The following NUP210L variants were observed in gnomAD, a reference collection of about 807,000 sequenced individuals.
The protein encoded by NUP210L is nuclear pore membrane glycoprotein 210-like.
A neutral mutation model predicts 208.5 loss-of-function variants in NUP210L; 74 were observed. The ratio of observed to expected loss-of-function variants is 0.35; its 90% CI spans 0.29 to 0.43. The LOEUF (loss-of-function observed/expected upper bound fraction) is 0.43. NUP210L is among the 20% of genes least tolerant of loss of function. The pLI, the probability that NUP210L is intolerant of heterozygous loss-of-function variation, is 1.00. For synonymous variants in NUP210L, 780 were observed against 816.9 expected, an observed-to-expected ratio of 0.95 and a Z score of 0.77; for missense variants, 1,843 against 2,289.4, an observed-to-expected ratio of 0.81 and a Z score of 3.98.
At chr1:154,112,615 G>A (rs1657096468) in intron 12 of NUP210L, among the ~76,000 whole-genome samples, 1 of 152,050 alleles carries the variant, frequency 6.6e-6, no homozygotes. Flanking sequence ...CAGCACTTTG[G>A]GAGGCCAAGG....
intron 13 of NUP210L, among the ~76,000 whole-genome samples, chr1:154,100,880 ATACCATCT>A (rs2148063542): frequency 6.6e-6 from 1 of 152,142 alleles, no homozygotes; most frequent in African/African-American, 2.4e-5. Context: ...TATATTAAAA[ATACCATCT>A]TGGGCCAGGC....
exon 1 of NUP210L, chr1:154,154,929 A>G: frequency 6.2e-7 from 1 of 1,614,228 alleles, no homozygotes; most frequent in South Asian, 1.1e-5. Flanking sequence ...TGGCACGTTA[A>G]GTTTGTTGGC....
At chr1:154,080,320 A>G (rs1655253928) in intron 16 of NUP210L, among the ~76,000 whole-genome samples, 1 of 151,108 alleles carries the variant, frequency 6.6e-6, no homozygotes. Flanking sequence ...AGATCATGCC[A>G]TTGCACTCCA....
At position 154,089,452 on chromosome 1, in the gene NUP210L, G is replaced by A; in HGVS notation, c.2330C>T (p.Pro777Leu). The change falls in exon 16 of 40, where the codon CCA becomes CTA. Residue 777 changes from proline (P) to leucine (L), a missense_variant. Physicochemically the swap from Pro to Leu is moderately conservative, Grantham distance 98. Around this residue, in one of 5 missense-constraint regions of NUP210L, gnomAD observed 408 missense variants for 600.8 expected, o/e 0.68. Coordinates refer to ENST00000368559, the Ensembl canonical transcript of NUP210L. ...TTTGTTGTGCTGTGGCAGAGGACAT[G>A]GCTGGGCACCAGCTGGCACCTTGTA... is the stretch of plus-strand genomic sequence containing the variant. 1.9e-6 allele frequency: 3 copies of A among 1,614,162 alleles called. No individual in the cohort carries two copies. In the South Asian group the frequency reaches 3.3e-5, roughly 18 times the overall value.
chr1:154,031,733 T>C (rs1264375917), intron 27 of NUP210L, among the ~76,000 whole-genome samples: 1 of 151,894 alleles, frequency 6.6e-6, no homozygotes, highest in Non-Finnish European at 1.5e-5. Flanking sequence ...TTTTTTTTTT[T>C]TTTAAGACAG....
chr1:154,089,340 A>G (rs1421170627), intron 16 of NUP210L, 81 bp downstream of exon 16: 3 of 1,188,566 alleles, frequency 2.5e-6, no homozygotes, highest in Non-Finnish European at 3.6e-6. Flanking sequence ...CTGGATATAT[A>G]CCCCAAAGAA....
intron 38 of NUP210L, among the ~76,000 whole-genome samples, chr1:153,994,013 G>A (rs1649665607): frequency 6.6e-6 from 1 of 152,120 alleles, no homozygotes; most frequent in Admixed American, 6.6e-5. Context: ...TAGTAGCTGG[G>A]ACTAGATGTG....
At chr1:154,146,623 C>T (rs936410533) in intron 2 of NUP210L, among the ~76,000 whole-genome samples, 1 of 106,606 alleles carries the variant, frequency 9.4e-6, no homozygotes, top group African/African-American at 3.9e-5. Flanking sequence ...CCCCCCTCCC[C>T]CCCCCACCAA....
intron 21 of NUP210L, 94 bp from the exon 22 acceptor site, chr1:154,058,310 A>G (rs1346176336): frequency 7.5e-7 from 1 of 1,331,066 alleles, no homozygotes; most frequent in Non-Finnish European, 1.0e-6. Flanking sequence ...TTTTTCTTTC[A>G]TGCTAAATGA....
intron 5 of NUP210L, 73 bp downstream of exon 5, chr1:154,139,729 T>C: frequency 8.5e-7 from 1 of 1,169,898 alleles, no homozygotes. Flanking sequence ...ATTCTTGTAG[T>C]ACCTGGGCAA....
intron 16 of NUP210L, among the ~76,000 whole-genome samples, chr1:154,081,255 C>T (rs1655310040): frequency 6.6e-6 from 1 of 150,878 alleles, no homozygotes; most frequent in African/African-American, 2.4e-5. Flanking sequence ...ATGTATCATG[C>T]AAACAGTAGC....
At chr1:154,113,857 CAAAA>C (rs11298820) in intron 12 of NUP210L, among the ~76,000 whole-genome samples, 6 of 40,666 alleles carry the variant, frequency 1.5e-4, no homozygotes, top group African/African-American at 2.3e-4. Context: ...GACTCCATCT[CAAAA>C]AAAAAAAAAA....
At chr1:154,132,070 G>A (rs760568121) in intron 7 of NUP210L, among the ~76,000 whole-genome samples, 1 of 152,142 alleles carries the variant, frequency 6.6e-6, no homozygotes, top group Non-Finnish European at 1.5e-5. Context: ...GCCTCCCAAA[G>A]TGCTGGGATT....
At chr1:154,035,356 C>T (rs770483317) in intron 27 of NUP210L, among the ~76,000 whole-genome samples, 203 of 150,838 alleles carry the variant, frequency 1.3e-3, no homozygotes, top group Non-Finnish European at 2.5e-3. Context: ...TTGCTTTTCT[C>T]GTTCTTTAAG....
exon 10 of NUP210L, chr1:154,126,363 A>C (rs1557996006): frequency 1.2e-6 from 2 of 1,613,502 alleles, no homozygotes; most frequent in Non-Finnish European, 1.7e-6. Context: ...TATTACCACA[A>C]CACCATCTTT....
chr1:154,030,948 A>G (rs185286364), intron 27 of NUP210L, among the ~76,000 whole-genome samples: 64 of 152,248 alleles, frequency 4.2e-4, no homozygotes, highest in Admixed American at 9.2e-4. Context: ...GGGTCTCCCT[A>G]CGTTGCCCAG....
chr1:154,042,719 C>T (rs1385510125), intron 27 of NUP210L, among the ~76,000 whole-genome samples: 17 of 145,156 alleles, frequency 1.2e-4, no homozygotes, highest in East Asian at 2.1e-4. Context: ...TGAGCCACCG[C>T]GCCTGGCCTT....
chr1:153,993,893 C>A (rs565104678), intron 38 of NUP210L, among the ~76,000 whole-genome samples: 4 of 152,154 alleles, frequency 2.6e-5, no homozygotes, highest in African/African-American at 9.7e-5. Context: ...GGGACTCCAT[C>A]TCAAAAAAAT....
chr1:154,140,673 A>G (rs1251036205), intron 4 of NUP210L, among the ~76,000 whole-genome samples: 1 of 149,288 alleles, frequency 6.7e-6, no homozygotes, highest in Admixed American at 6.7e-5. Flanking sequence ...TCTCAAAAAA[A>G]AAAACAGAAA....
Sources: allele counts gnomAD v4.1 joint callset (sites outside exome capture counted in the v4.1 genomes callset), GRCh38; gene constraint gnomAD v4.1.1; regional missense constraint gnomAD v4.1.1; transcripts MANE v1.5; gene names NCBI Gene and HGNC (gene_info 2026-07-23, HGNC 2026-07-21).